CRTAM: variants seen among roughly 807,000 people sequenced by gnomAD.
CRTAM encodes the protein cytotoxic and regulatory T-cell molecule.
Under a neutral mutation model 50.0 loss-of-function variants are expected in CRTAM, and 44 were observed. The ratio of observed to expected loss-of-function variants is 0.88; its 90% confidence interval spans 0.69 to 1.13. The LOEUF (loss-of-function observed/expected upper bound fraction) is 1.13. Ranked by LOEUF, CRTAM falls within the 50% of genes most tolerant of loss-of-function variation. The pLI is 0.00. For missense variants in CRTAM, 448 were observed against 457.5 expected (o/e 0.98, Z 0.19); for synonymous variants, 159 against 169.3 (o/e 0.94, Z 0.47).
chr11:122,862,904 T>C (rs1862106398), intron 6 of CRTAM, among the ~76,000 whole-genome samples: 1 of 152,198 alleles, frequency 6.6e-6, no homozygotes. Flanking sequence ...TGTTTTCCCA[T>C]CTGAAGCACA....
intron 6 of CRTAM, among the ~76,000 whole-genome samples, chr11:122,862,822 C>T (rs1341261470): frequency 5.9e-5 from 9 of 152,258 alleles, no homozygotes; most frequent in Non-Finnish European, 1.0e-4. Context: ...CACACATTCA[C>T]GACTGTGACA....
chr11:122,853,819 A>C lies in CRTAM; in HGVS notation c.347-124A>C, dbSNP rs192838180. 9.3e-5 allele frequency: 82 copies of C among 883,632 alleles called. No individual in the cohort carries two copies. The African/African-American group carries it at 1.3e-3, about 14-fold the overall frequency. 54.7% of individuals were successfully genotyped at this position (883,632 alleles called of 1,614,324 possible). A position where few individuals can be genotyped will look rare whatever the true frequency, so the allele number is the denominator to read the frequency against. Reference sequence around the variant, plus strand: ...GGCGACGGAGACTAAGTCTAAAAAAAAAAAGAAAGCCCATTAATTAGAGTA... The same window carrying C: ...GGCGACGGAGACTAAGTCTAAAAAACAAAAGAAAGCCCATTAATTAGAGTA... On this transcript the variant is annotated intron_variant, in intron 3 of 9. Transcript: ENST00000227348.
At chr11:122,863,460 A>G (rs1197398165) in intron 6 of CRTAM, among the ~76,000 whole-genome samples, 1 of 152,206 alleles carries the variant, frequency 6.6e-6, no homozygotes, top group African/African-American at 2.4e-5. Context: ...TTCTCTTTCC[A>G]TTTCATGTAA....
At chr11:122,862,412 TG>T in intron 5 of CRTAM, 51 bp from the exon 6 acceptor site, 1 of 1,093,266 alleles carries the variant, frequency 9.1e-7, no homozygotes, top group Non-Finnish European at 1.4e-6. Flanking sequence ...GAGCACAATG[TG>T]GGTAAAACTG....
chr11:122,865,204 T>A (rs1862153517), intron 7 of CRTAM, among the ~76,000 whole-genome samples: 1 of 151,824 alleles, frequency 6.6e-6, no homozygotes, highest in Non-Finnish European at 1.5e-5. Context: ...CCCAGCTAAT[T>A]TTGTATTTTT....
chr11:122,853,512 C>T (rs1861962231), intron 3 of CRTAM, among the ~76,000 whole-genome samples: 1 of 151,968 alleles, frequency 6.6e-6, no homozygotes. Context: ...TGACTGTATT[C>T]TGGAAGAGAT....
intron 4 of CRTAM, 43 bp from the exon 5 acceptor site, chr11:122,855,652 C>T (rs1861995804): frequency 6.3e-7 from 1 of 1,579,998 alleles, no homozygotes; most frequent in East Asian, 2.2e-5. Context: ...CAACCTCATC[C>T]AGTAGCATTA....
chr11:122,851,598 A>G lies in CRTAM; in HGVS notation c.194-95A>G. On this transcript the variant is annotated intron_variant, in intron 2 of 9. Coordinates refer to ENST00000227348, the MANE Select transcript of CRTAM (RefSeq NM_019604.4). ...AGATAGTTTTGATTGTGCCAAATGT[A>G]GAAAGCGGGGCAGTGCTTCTGGCAT... 6.5e-6 allele frequency: 7 copies of G among 1,085,152 alleles called. No individual in the cohort carries two copies. The South Asian group carries it at 8.4e-5, about 13-fold the overall frequency. 67.2% of individuals were successfully genotyped at this position (1,085,152 alleles called of 1,614,324 possible).
chr11:122,854,194 T>A, intron 4 of CRTAM, 108 bp downstream of exon 4: 1 of 1,063,806 alleles, frequency 9.4e-7, no homozygotes, highest in Non-Finnish European at 1.3e-6. Flanking sequence ...AGACATCATT[T>A]AATATTTCAT....
At chr11:122,868,720 A>G (rs1301665940) in intron 9 of CRTAM, among the ~76,000 whole-genome samples, 1 of 152,188 alleles carries the variant, frequency 6.6e-6, no homozygotes, top group African/African-American at 2.4e-5. Flanking sequence ...GCCTTTAAAA[A>G]GAAGGAGGCT....
In CRTAM at chr11:122,871,892, T is replaced by C. The variant is rs1350388109; in HGVS notation, c.*493T>C. On this transcript the variant is annotated 3_prime_UTR_variant, in exon 10 of 10. Coordinates refer to ENST00000227348, the MANE Select transcript of CRTAM (RefSeq NM_019604.4). ...GCTCATGCCTGTAATCCTAGCACTT[T>C]GGGAGGCTGAGGTAGGCAGATCACT... The C allele has an allele frequency of 1.3e-5, 2 of 152,180 alleles. No individual in the cohort carries two copies. The highest frequency in any genetic ancestry group is 1.9e-4 in the East Asian group (1 of 5,192). The allele number at this position is 152,180 out of a possible 1,614,324, so 9.4% of individuals were successfully genotyped here.
chr11:122,868,541 C>T (rs181317075), intron 9 of CRTAM, among the ~76,000 whole-genome samples: 380 of 152,176 alleles, frequency 2.5e-3, no homozygotes, highest in African/African-American at 8.6e-3. Context: ...GGTGCCCATC[C>T]ACATCAAGGG....
chr11:122,868,758 C>T (rs569561509), intron 9 of CRTAM, among the ~76,000 whole-genome samples: 1 of 152,308 alleles, frequency 6.6e-6, no homozygotes, highest in Admixed American at 6.5e-5. Context: ...CCTGTAATCC[C>T]AGCACTTTGG....
rs116876083 is a variant in CRTAM at position 122,852,120 on chromosome 11, G to T, written c.346+275G>T. ...GAAAAATTGATATTTGATGAGCTGC[G>T]ACTATGCGCCAGGCACCATGTGAGG... On this transcript the variant is annotated intron_variant, in intron 3 of 9. Coordinates refer to ENST00000227348, the MANE Select transcript of CRTAM (RefSeq NM_019604.4). Among the ~76,000 whole-genome samples, 1,189 of 152,234 alleles carry T rather than the reference G, an allele frequency of 7.8e-3. 9 individuals are homozygous for T. Among genetic ancestry groups the T allele is most frequent in the Non-Finnish European group, 0.013 (854 of 68,014 alleles).
intron 7 of CRTAM, among the ~76,000 whole-genome samples, chr11:122,867,028 AC>A (rs1303403245): frequency 6.6e-6 from 1 of 152,346 alleles, no homozygotes; most frequent in East Asian, 1.9e-4. Flanking sequence ...AAACTCCTTA[AC>A]AATCCCTCTT....
At chr11:122,846,536 A>G (rs1861865720) in intron 1 of CRTAM, among the ~76,000 whole-genome samples, 1 of 152,064 alleles carries the variant, frequency 6.6e-6, no homozygotes, top group Admixed American at 6.6e-5. Context: ...TGATCTGCTC[A>G]CTTCGGCCTC....
intron 1 of CRTAM, among the ~76,000 whole-genome samples, chr11:122,846,620 C>CTCTGTCTG (rs68036211): frequency 6.6e-6 from 1 of 151,878 alleles, no homozygotes; most frequent in Admixed American, 6.6e-5. Context: ...GTTCTAACAC[C>CTCTGTCTG]TCTGTCTGTC....
chr11:122,867,258 T>C, intron 7 of CRTAM, 151 bp from the exon 8 acceptor site: 1 of 622,478 alleles, frequency 1.6e-6, no homozygotes, highest in South Asian at 2.7e-5. Context: ...TGTAAGTCTC[T>C]TTACCTTCAG....
intron 2 of CRTAM, among the ~76,000 whole-genome samples, chr11:122,851,208 G>T (rs1386230655): frequency 6.6e-6 from 1 of 150,612 alleles, no homozygotes; most frequent in African/African-American, 2.4e-5. Flanking sequence ...GACAGTTGCA[G>T]TGAGCTGAGA....
Sources: gnomAD v4.1 joint callset for allele counts (sites outside exome capture counted in the v4.1 genomes callset) on GRCh38, gnomAD v4.1.1 for gene constraint, MANE v1.5 for transcripts, NCBI Gene and HGNC (gene_info 2026-07-23, HGNC 2026-07-21) for gene names.